The following SVOP variants were observed in gnomAD, a reference collection of about 807,000 sequenced individuals.
SVOP encodes the protein SV2 related protein, also known as synaptic vesicle 2-related protein.
In SVOP, 17 loss-of-function variants were observed where a neutral mutation model predicts 69.1. The ratio of observed to expected loss-of-function variants is 0.25; its 90% CI spans 0.17 to 0.37. The LOEUF (loss-of-function observed/expected upper bound fraction) is 0.37. Ranked by LOEUF, SVOP falls within the 10% of genes least tolerant of loss-of-function variation. The pLI is 1.00. For missense variants in SVOP, 435 were observed against 597.5 expected, an observed-to-expected ratio of 0.73 and a Z score of 2.84; for synonymous variants, 238 against 238.6, an observed-to-expected ratio of 1.00 and a Z score of 0.02.
intron 12 of SVOP, among the ~76,000 whole-genome samples, chr12:108,921,913 G>T (rs551308434): frequency 1.3e-5 from 2 of 152,244 alleles, no homozygotes; most frequent in South Asian, 2.1e-4. Flanking sequence ...GCATACAACA[G>T]GTACTCAATA....
intron 1 of SVOP, among the ~76,000 whole-genome samples, chr12:108,987,860 T>G (rs1485722946): frequency 6.6e-6 from 1 of 152,176 alleles, no homozygotes; most frequent in African/African-American, 2.4e-5. Flanking sequence ...TTGCAAACAA[T>G]TTTTCCCATT....
At position 108,938,169 on chromosome 12, in the gene SVOP, CTT is replaced by C. The variant is rs1418069283; in HGVS notation, c.897+656_897+657del. ...AATATAAAAAGAATCAGAAATATAA[CTT>C]TATTTTAAAAGGTAATTTCTTTATA... On this transcript the variant is annotated intron_variant, in intron 9 of 15. Transcript: ENST00000610966. Among the ~76,000 whole-genome samples, 4 of 152,342 alleles carry C rather than the reference CTT, an allele frequency of 2.6e-5. No individual in the cohort carries two copies. The East Asian group carries it at 7.7e-4, about 29-fold the overall frequency.
intron 5 of SVOP, 35 bp downstream of exon 5, chr12:108,972,370 G>A (rs2040084022): frequency 6.5e-7 from 1 of 1,534,388 alleles, no homozygotes. Context: ...AGACAACCCA[G>A]AGGACATGCG....
intron 3 of SVOP, chr12:108,978,296 C>T (rs1237965283): frequency 8.1e-6 from 3 of 371,100 alleles, no homozygotes; most frequent in Non-Finnish European, 1.5e-5. Flanking sequence ...CTACAGCTGA[C>T]ATCATAATCT....
At chr12:109,003,559 T>C (rs146263833) in intron 1 of SVOP, among the ~76,000 whole-genome samples, 47 of 152,326 alleles carry the variant, frequency 3.1e-4, no homozygotes, top group African/African-American at 1.1e-3. Flanking sequence ...TTGGAGTACA[T>C]TGACCCTTGT....
chr12:109,014,767 G>A (rs950872197), intron 1 of SVOP, among the ~76,000 whole-genome samples: 1 of 152,038 alleles, frequency 6.6e-6, no homozygotes, highest in Admixed American at 6.6e-5. Flanking sequence ...TATCACCCAG[G>A]CTGGAGTGTA....
rs1593173810 is a variant in SVOP, at chr12:108,912,579, G to A, written c.1603C>T (p.His535Tyr). 6.2e-7 allele frequency: 1 copy of A among 1,613,800 alleles called. No individual in the cohort carries two copies. Among genetic ancestry groups the A allele is most frequent in the Non-Finnish European group, 8.5e-7 (1 of 1,179,786 alleles). ...TTCGACCTGGTAACACCTGCACCGT[G>A]CATTCCTCGGCCGACCATCTCCTGG... Reference protein sequence around the residue: ...WGQEMVGRGMHGAGVTRSNSG... With the variant: ...WGQEMVGRGMYGAGVTRSNSG... The change falls in exon 16 of 16, where the codon CAC becomes TAC. Residue 535 changes from histidine (H) to tyrosine (Y), a missense_variant. Transcript: ENST00000610966.
chr12:108,940,364 GA>G (rs2039883510), intron 8 of SVOP, among the ~76,000 whole-genome samples: 1 of 152,134 alleles, frequency 6.6e-6, no homozygotes, highest in South Asian at 2.1e-4. Context: ...ATGAGATGAA[GA>G]GATCATTTAA....
chr12:108,961,255 C>T (rs1339272716), intron 5 of SVOP, among the ~76,000 whole-genome samples: 2 of 152,190 alleles, frequency 1.3e-5, no homozygotes, highest in East Asian at 3.9e-4. Context: ...CAATGATTGG[C>T]ATTGAATGCC....
chr12:108,983,190 TCA>T (rs1419149884), intron 2 of SVOP, among the ~76,000 whole-genome samples: 14 of 151,546 alleles, frequency 9.2e-5, no homozygotes, highest in African/African-American at 3.2e-4. Context: ...ATCTTTATCA[TCA>T]CAGTCTTCAT....
intron 11 of SVOP, among the ~76,000 whole-genome samples, chr12:108,923,295 T>C (rs995754189): frequency 1.3e-5 from 2 of 152,184 alleles, no homozygotes; most frequent in African/African-American, 4.8e-5. Context: ...GGACTGTCTC[T>C]TATGCTTTTC....
chr12:108,947,218 C>T (rs2039930591), intron 6 of SVOP, among the ~76,000 whole-genome samples: 1 of 152,060 alleles, frequency 6.6e-6, no homozygotes, highest in Non-Finnish European at 1.5e-5. Flanking sequence ...TCTAAGAAGC[C>T]CTGGTTCCCT....
intron 6 of SVOP, among the ~76,000 whole-genome samples, chr12:108,953,002 C>T (rs536785862): frequency 6.6e-6 from 1 of 152,114 alleles, no homozygotes; most frequent in Admixed American, 6.6e-5. Flanking sequence ...GCAAAGTGCC[C>T]AGCACTTGGT....
chr12:109,017,625 C>T (rs2040374739), intron 1 of SVOP, among the ~76,000 whole-genome samples: 1 of 152,086 alleles, frequency 6.6e-6, no homozygotes, highest in Admixed American at 6.6e-5. Flanking sequence ...TCTTTGCTCA[C>T]CGCAACCTCT....
chr12:108,989,006 C>A (rs992067343), intron 1 of SVOP, among the ~76,000 whole-genome samples: 5 of 152,068 alleles, frequency 3.3e-5, no homozygotes, highest in African/African-American at 1.2e-4. Context: ...CTCCTGACCT[C>A]AAGTGATCGG....
intron 6 of SVOP, among the ~76,000 whole-genome samples, 158 bp downstream of exon 6, chr12:108,960,765 T>G (rs570534475): frequency 6.6e-6 from 1 of 152,268 alleles, no homozygotes; most frequent in African/African-American, 2.4e-5. Context: ...ATGATGCTAT[T>G]TTCTTGCTAC....
At position 108,961,062 on chromosome 12, in the gene SVOP, GAC is replaced by G. The variant is rs2137422603; in HGVS notation, c.454-17_454-16del. On this transcript the variant is annotated splice_polypyrimidine_tract_variant and intron_variant, in intron 5 of 15. Transcript: ENST00000610966. ...ATCTTCAGCCCCTGAAGAGAAGGAA[GAC>G]ACGGAATCACAAGGGCTTTTCAGCA... 6.5e-7 allele frequency: 1 copy of G among 1,533,100 alleles called. No individual in the cohort carries two copies. Among genetic ancestry groups the G allele is most frequent in the East Asian group, 2.4e-5 (1 of 40,880 alleles). The allele number at this position is 1,533,100 out of a possible 1,614,324, so 95.0% of individuals were successfully genotyped here.
intron 5 of SVOP, among the ~76,000 whole-genome samples, chr12:108,965,248 T>G (rs780646866): frequency 7.9e-5 from 12 of 152,206 alleles, no homozygotes; most frequent in Non-Finnish European, 1.5e-4. Context: ...ACTTTACAAA[T>G]TAGCATAGCA....
rs1308532998 is a variant in SVOP at position 109,002,058 on chromosome 12, C to T, written c.36-18297G>A. The stretch of plus-strand genomic sequence containing the variant: ...TGGGAGAAAATTTTTGCAACCTACT[C>T]ATCTGACAAAGGGCTAATATCCAGA... On this transcript the variant is annotated intron_variant, in intron 1 of 15. Transcript: ENST00000610966. Among the ~76,000 whole-genome samples, 10 of 136,400 alleles carry T rather than the reference C, an allele frequency of 7.3e-5. No homozygotes were observed. In the East Asian group the frequency reaches 1.3e-3, roughly 18 times the overall value. 89.5% of individuals were successfully genotyped at this position (136,400 alleles called of 152,430 possible).
Sources: gnomAD v4.1 joint callset for allele counts (sites outside exome capture counted in the v4.1 genomes callset) on GRCh38, gnomAD v4.1.1 for gene constraint, MANE v1.5 for transcripts, NCBI Gene and HGNC (gene_info 2026-07-23, HGNC 2026-07-21) for gene names.